Variants in CRB1 observed in about 807,000 individuals in gnomAD.
The protein encoded by CRB1 is protein crumbs homolog 1.
CRB1 carries 83 observed loss-of-function variants against 120.0 expected under a neutral mutation model. That is an observed-to-expected ratio of 0.69 (90% CI 0.58 to 0.83). The LOEUF (loss-of-function observed/expected upper bound fraction) is 0.83, where lower values mean the gene tolerates loss of function less well. Among genes scored for constraint, CRB1 ranks in the 40% least tolerant of loss-of-function variants. CRB1 has a pLI of 0.00. For missense variants in CRB1, 1,699 were observed against 1,687.6 expected (o/e 1.01, Z -0.12); for synonymous variants, 625 against 612.5 (o/e 1.02, Z -0.30).
At chr1:197,456,712 C>T (rs1666302285) in intron 11 of CRB1, among the ~76,000 whole-genome samples, 1 of 152,126 alleles carries the variant, frequency 6.6e-6, no homozygotes, top group African/African-American at 2.4e-5. Flanking sequence ...TCCATAAAGA[C>T]ATATATTGCT....
chr1:197,239,299 G>A, the CRB1 span, among the ~76,000 whole-genome samples: 1 of 151,882 alleles, frequency 6.6e-6, no homozygotes, highest in Non-Finnish European at 1.5e-5. Flanking sequence ...ATCAAATTTT[G>A]ATATTAAAAT....
chr1:197,451,734 C>T (rs144013332), intron 11 of CRB1, among the ~76,000 whole-genome samples: 2 of 152,278 alleles, frequency 1.3e-5, no homozygotes, highest in East Asian at 3.9e-4. Flanking sequence ...TATAGCCAGA[C>T]AATAGCAAGA....
At chr1:197,326,844 C>T (rs1337007) in intron 1 of CRB1, among the ~76,000 whole-genome samples, 53,273 of 151,248 alleles carry the variant, frequency 0.35, 11,869 homozygotes, top group East Asian at 0.78. Context: ...TAAGGGTACT[C>T]GTGTTTTTTT....
chr1:197,288,702 A>G (rs991871541), intron 1 of CRB1, among the ~76,000 whole-genome samples: 8 of 151,924 alleles, frequency 5.3e-5, no homozygotes, highest in African/African-American at 1.9e-4. Context: ...AGTACGTTGG[A>G]AGAGATGAAT....
intron 4 of CRB1, among the ~76,000 whole-genome samples, chr1:197,354,346 C>T (rs536585404): frequency 2.0e-5 from 3 of 152,192 alleles, no homozygotes; most frequent in African/African-American, 4.8e-5. Context: ...TAATTGTGTC[C>T]GAAATTGGTG....
chr1:197,322,844 C>T (rs1658283309), intron 1 of CRB1, among the ~76,000 whole-genome samples: 1 of 152,118 alleles, frequency 6.6e-6, no homozygotes, highest in Non-Finnish European at 1.5e-5. Context: ...TTTTATGACT[C>T]TGTCTTCCTT....
At chr1:197,237,026 G>A in the CRB1 span, among the ~76,000 whole-genome samples, 3 of 151,562 alleles carry the variant, frequency 2.0e-5, no homozygotes, top group Non-Finnish European at 4.4e-5. Context: ...TTAGGGTAAT[G>A]CTAACCTCGG....
chr1:197,287,702 T>C (rs956503994), intron 1 of CRB1, among the ~76,000 whole-genome samples: 3 of 151,734 alleles, frequency 2.0e-5, no homozygotes, highest in African/African-American at 4.8e-5. Context: ...ATTCTACTCA[T>C]GAAGGAAAAA....
chr1:197,428,863 A>G (rs1461678157), intron 7 of CRB1: 1 of 1,134,234 alleles, frequency 8.8e-7, no homozygotes, highest in African/African-American at 1.5e-5. Flanking sequence ...TAGACCCAGG[A>G]CAAACACAGT....
At chr1:197,422,188 T>A (rs1392111576) in intron 6 of CRB1, among the ~76,000 whole-genome samples, 5 of 152,160 alleles carry the variant, frequency 3.3e-5, no homozygotes, top group Non-Finnish European at 7.4e-5. Context: ...GTAAAAAAAA[T>A]AAGCAGATAG....
intron 5 of CRB1, among the ~76,000 whole-genome samples, chr1:197,412,570 T>C (rs1663764460): frequency 6.6e-6 from 1 of 152,198 alleles, no homozygotes; most frequent in Non-Finnish European, 1.5e-5. Flanking sequence ...GTAGGTCCAT[T>C]GATCAGAACC....
intron 1 of CRB1, among the ~76,000 whole-genome samples, chr1:197,287,617 G>T (rs1655901870): frequency 6.6e-6 from 1 of 151,760 alleles, no homozygotes; most frequent in South Asian, 2.1e-4. Flanking sequence ...GCTAGGGAAA[G>T]AAGATGTTAG....
chr1:197,289,580 A>G (rs1446129194), intron 1 of CRB1, among the ~76,000 whole-genome samples: 1 of 151,820 alleles, frequency 6.6e-6, no homozygotes, highest in East Asian at 1.9e-4. Flanking sequence ...TGAACCATTT[A>G]TCACTTTGAA....
intron 2 of CRB1, among the ~76,000 whole-genome samples, chr1:197,335,690 G>T (rs769395233): frequency 1.3e-5 from 2 of 152,048 alleles, no homozygotes; most frequent in African/African-American, 4.8e-5. Flanking sequence ...AGTAGAGATG[G>T]CATTTCACCA....
At chr1:197,413,021 C>G (rs564268230) in intron 5 of CRB1, among the ~76,000 whole-genome samples, 30 of 152,138 alleles carry the variant, frequency 2.0e-4, no homozygotes, top group Admixed American at 1.6e-3. Context: ...ACATTTTCAC[C>G]TTTACTGAGG....
At chr1:197,446,325 T>G (rs78749198) in intron 11 of CRB1, among the ~76,000 whole-genome samples, 5,144 of 152,260 alleles carry the variant, frequency 0.034, 166 homozygotes, top group East Asian at 0.072. Context: ...AAGGAAAGTT[T>G]CCTGAAGCCT....
chr1:197,310,190 C>T (rs766964326), intron 1 of CRB1, among the ~76,000 whole-genome samples: 4 of 152,076 alleles, frequency 2.6e-5, no homozygotes, highest in Non-Finnish European at 4.4e-5. Context: ...ATTAAATTTT[C>T]GAGGTCAAAG....
At chr1:197,383,905 T>C (rs930436695) in intron 5 of CRB1, among the ~76,000 whole-genome samples, 1 of 152,200 alleles carries the variant, frequency 6.6e-6, no homozygotes, top group Non-Finnish European at 1.5e-5. Flanking sequence ...TAAATAATTA[T>C]GAACAATGGC....
intron 5 of CRB1, among the ~76,000 whole-genome samples, chr1:197,367,763 A>C (rs1019087736): frequency 5.3e-5 from 8 of 152,160 alleles, no homozygotes; most frequent in Non-Finnish European, 1.0e-4. Flanking sequence ...GGAACGCTAC[A>C]TTGTTGCCTC....
Sources: allele counts gnomAD v4.1 joint callset (sites outside exome capture counted in the v4.1 genomes callset), GRCh38; gene constraint gnomAD v4.1.1; transcripts MANE v1.5; gene names NCBI Gene and HGNC (gene_info 2026-07-23, HGNC 2026-07-21).